The following DPP6 variants were observed in gnomAD, a reference collection of about 807,000 sequenced individuals.
DPP6 encodes the protein dipeptidyl peptidase like 6.
Under a neutral mutation model 122.6 loss-of-function variants are expected in DPP6, and 69 were observed. The ratio of observed to expected loss-of-function variants is 0.56; its 90% CI spans 0.46 to 0.69. The LOEUF is 0.69. Ranked by LOEUF, DPP6 falls within the 30% of genes least tolerant of loss-of-function variation. The pLI, the probability that DPP6 is intolerant of heterozygous loss-of-function variation, is 0.00. For missense variants in DPP6, 928 were observed against 1,116.9 expected, an observed-to-expected ratio of 0.83 and a Z score of 2.41; for synonymous variants, 418 against 433.1, an observed-to-expected ratio of 0.97 and a Z score of 0.43.
chr7:154,722,073 TGGTC>T (rs1310790207), intron 7 of DPP6, among the ~76,000 whole-genome samples: 1 of 151,206 alleles, frequency 6.6e-6, no homozygotes, highest in East Asian at 1.9e-4. Flanking sequence ...TGTGTGCCTG[TGGTC>T]CCAGCTACCT....
chr7:154,220,194 C>T (rs1228310644), intron 1 of DPP6, among the ~76,000 whole-genome samples: 5 of 152,200 alleles, frequency 3.3e-5, no homozygotes, highest in African/African-American at 1.2e-4. Flanking sequence ...GTCCTGAGGG[C>T]TCTGCCATCC....
chr7:154,842,006 C>T (rs1801589472), intron 16 of DPP6, among the ~76,000 whole-genome samples: 1 of 152,238 alleles, frequency 6.6e-6, no homozygotes, highest in Admixed American at 6.5e-5. Flanking sequence ...TTTAATTATC[C>T]GCAGTAGTTC....
chr7:153,798,333 G>C, the DPP6 span, among the ~76,000 whole-genome samples: 2 of 152,222 alleles, frequency 1.3e-5, no homozygotes, highest in East Asian at 3.9e-4. Context: ...AGACAAAGAA[G>C]AGATATTGGT....
chr7:154,799,988 C>T (rs1798262435), intron 12 of DPP6, among the ~76,000 whole-genome samples: 1 of 152,202 alleles, frequency 6.6e-6, no homozygotes, highest in South Asian at 2.1e-4. Context: ...AAAAACAATG[C>T]TTCTGGCCAG....
In DPP6 at chr7:154,569,059, A is replaced by G. The variant is rs953467508; in HGVS notation, c.627+2143A>G. 2.0e-5 allele frequency among the ~76,000 whole-genome samples: 3 copies of G among 152,118 alleles called. No homozygotes were observed. In the South Asian group the frequency reaches 6.2e-4, roughly 31 times the overall value. On this transcript the variant is annotated intron_variant, in intron 5 of 25. Coordinates refer to ENST00000377770, the MANE Select transcript of DPP6 (RefSeq NM_130797.4). ...CTCCTTAGCGCTATACCAAGATACAATCCAAGTTCTTGAAATTCTATCAAA... is the reference window on the plus strand; with the variant it reads ...CTCCTTAGCGCTATACCAAGATACAGTCCAAGTTCTTGAAATTCTATCAAA...
intron 7 of DPP6, among the ~76,000 whole-genome samples, chr7:154,719,459 C>A (rs1841682562): frequency 6.6e-6 from 1 of 152,206 alleles, no homozygotes; most frequent in Non-Finnish European, 1.5e-5. Flanking sequence ...AATTTGAAAT[C>A]TAGTCAGTGG....
At chr7:153,949,680 A>G (rs951485336) in intron 1 of DPP6, among the ~76,000 whole-genome samples, 1 of 152,224 alleles carries the variant, frequency 6.6e-6, no homozygotes, top group African/African-American at 2.4e-5. Flanking sequence ...CAAACTGCAT[A>G]TGTCCCTGAT....
chr7:154,622,382 G>A (rs752960801), intron 5 of DPP6, among the ~76,000 whole-genome samples: 1 of 152,308 alleles, frequency 6.6e-6, no homozygotes, highest in South Asian at 2.1e-4. Context: ...AATTGACCCT[G>A]CTTGCTCCTG....
chr7:154,575,392 GTA>G (rs1292761806), intron 5 of DPP6, among the ~76,000 whole-genome samples: 1 of 89,272 alleles, frequency 1.1e-5, no homozygotes, highest in African/African-American at 4.4e-5. Flanking sequence ...TGATGTGTGT[GTA>G]GTGTGTGTGT....
chr7:154,404,657 G>A (rs142850517), intron 1 of DPP6, among the ~76,000 whole-genome samples: 399 of 152,300 alleles, frequency 2.6e-3, no homozygotes, highest in African/African-American at 9.1e-3. Flanking sequence ...AAGGCTAAAA[G>A]GAGACAGTTT....
intron 4 of DPP6, among the ~76,000 whole-genome samples, chr7:154,554,154 A>G (rs890741874): frequency 1.3e-5 from 2 of 152,148 alleles, no homozygotes; most frequent in Admixed American, 6.5e-5. Context: ...CAGGGCCCAG[A>G]GGCAGGCTGT....
At chr7:154,503,006 G>A (rs957230817) in intron 3 of DPP6, among the ~76,000 whole-genome samples, 2 of 152,160 alleles carry the variant, frequency 1.3e-5, no homozygotes, top group African/African-American at 4.8e-5. Flanking sequence ...TCTCTATCTG[G>A]TCAACAGCAG....
rs187489196 is a variant in DPP6 at position 154,600,606 on chromosome 7, A to G, written c.627+33690A>G. On this transcript the variant is annotated intron_variant, in intron 5 of 25. Transcript: ENST00000377770. ...CTTACACCATTTTATAGATGATGAA[A>G]CCAAGGCTAAAGGAAATATGATGAA... Among the ~76,000 whole-genome samples the G allele has an allele frequency of 2.5e-5, 3 of 121,762 alleles. 1 individual carries two copies. Among genetic ancestry groups the G allele is most frequent in the African/African-American group, 7.8e-5 (3 of 38,284 alleles). 79.9% of individuals were successfully genotyped at this position (121,762 alleles called of 152,430 possible). A position where few individuals can be genotyped will look rare whatever the true frequency, so the allele number is the denominator to read the frequency against.
At chr7:154,575,249 G>GTT (rs1831499203) in intron 5 of DPP6, among the ~76,000 whole-genome samples, 1 of 128,666 alleles carries the variant, frequency 7.8e-6, no homozygotes, top group African/African-American at 3.0e-5. Flanking sequence ...TTTGTGTGGT[G>GTT]TGTGTGGTGT....
intron 19 of DPP6, among the ~76,000 whole-genome samples, chr7:154,873,174 T>G (rs1804537281): frequency 6.6e-6 from 1 of 152,250 alleles, no homozygotes; most frequent in African/African-American, 2.4e-5. Context: ...AGCCTCCGGT[T>G]TGGGTTTTGA....
the DPP6 span, among the ~76,000 whole-genome samples, chr7:153,771,473 G>C: frequency 6.6e-6 from 1 of 152,106 alleles, no homozygotes; most frequent in Non-Finnish European, 1.5e-5. Flanking sequence ...CCAAGTAGCT[G>C]GTATTACAGG....
At chr7:154,290,133 C>T (rs1051292301) in intron 1 of DPP6, among the ~76,000 whole-genome samples, 2 of 152,164 alleles carry the variant, frequency 1.3e-5, no homozygotes, top group African/African-American at 2.4e-5. Context: ...ACAAATGTTG[C>T]TCATGTTGCC....
intron 1 of DPP6, among the ~76,000 whole-genome samples, chr7:154,268,771 G>C (rs1803595158): frequency 6.6e-6 from 1 of 152,030 alleles, no homozygotes; most frequent in Non-Finnish European, 1.5e-5. Flanking sequence ...AAATGCTGCT[G>C]TCCTTTATTC....
At chr7:154,229,591 G>A (rs1323444555) in intron 1 of DPP6, among the ~76,000 whole-genome samples, 16 of 152,142 alleles carry the variant, frequency 1.1e-4, no homozygotes, top group Admixed American at 9.8e-4. Context: ...TTCATCTTCA[G>A]CATCATCTTG....
Sources: allele counts gnomAD v4.1 joint callset (sites outside exome capture counted in the v4.1 genomes callset), GRCh38; gene constraint gnomAD v4.1.1; transcripts MANE v1.5; gene names NCBI Gene and HGNC (gene_info 2026-07-23, HGNC 2026-07-21).